ERH: variants seen among roughly 807,000 people sequenced by gnomAD.
The protein encoded by ERH is enhancer of rudimentary homolog.
A neutral mutation model predicts 16.8 loss-of-function variants in ERH; 1 was observed. The ratio of observed to expected loss-of-function variants is 0.06; its 90% confidence interval spans 0.02 to 0.28. The LOEUF is 0.28. Ranked by LOEUF, ERH falls within the 10% of genes least tolerant of loss-of-function variation. The pLI is 1.00. For missense variants in ERH, 42 were observed against 127.5 expected, an observed-to-expected ratio of 0.33 and a Z score of 3.23; for synonymous variants, 43 against 43.6, an observed-to-expected ratio of 0.99 and a Z score of 0.05.
intron 2 of ERH, among the ~76,000 whole-genome samples, chr14:69,387,742 T>C (rs1309242412): frequency 6.8e-6 from 1 of 147,830 alleles, no homozygotes; most frequent in African/African-American, 2.5e-5. Context: ...TATCCTAATG[T>C]ATATTTAAGA....
chr14:69,392,109 CT>C (rs1882226528), intron 2 of ERH, among the ~76,000 whole-genome samples: 1 of 151,066 alleles, frequency 6.6e-6, no homozygotes, highest in Non-Finnish European at 1.5e-5. Flanking sequence ...AAGCCTAAAA[CT>C]GCTCTAAAAA....
In ERH at chr14:69,380,397, C is replaced by G; in HGVS notation, c.*141G>C. 2.1e-6 allele frequency: 1 copy of G among 475,262 alleles called. No individual in the cohort carries two copies. 29.4% of individuals were successfully genotyped at this position (475,262 alleles called of 1,614,324 possible). A position where few individuals can be genotyped will look rare whatever the true frequency, so the allele number is the denominator to read the frequency against. On this transcript the variant is annotated 3_prime_UTR_variant, in exon 4 of 4. Transcript: ENST00000557016. ...GGTTTCCGATTGAACAAGATCCTCA[C>G]ATTTCATCTAATACAGTCAATCTTG... is the stretch of plus-strand genomic sequence containing the variant.
At chr14:69,397,556 C>T (rs772417570) in intron 1 of ERH, among the ~76,000 whole-genome samples, 1 of 150,370 alleles carries the variant, frequency 6.7e-6, no homozygotes, top group Non-Finnish European at 1.5e-5. Context: ...CTGGATCTGT[C>T]AGCTTCGAGA....
At chr14:69,397,919 C>CA (rs1156868342) in intron 1 of ERH, 2 of 541,340 alleles carry the variant, frequency 3.7e-6, no homozygotes, top group Non-Finnish European at 6.6e-6. Flanking sequence ...CTCTCTATCT[C>CA]AAAAAACAAA....
At position 69,380,234 on chromosome 14, in the gene ERH, A is replaced by C. The variant is rs1334957826; in HGVS notation, c.*304T>G. 8.6e-6 allele frequency: 2 copies of C among 231,330 alleles called. No individual in the cohort carries two copies. The highest frequency in any genetic ancestry group is 1.7e-5 in the Non-Finnish European group (2 of 120,288). The allele number at this position is 231,330 out of a possible 1,614,324, so 14.3% of individuals were successfully genotyped here. On this transcript the variant is annotated 3_prime_UTR_variant, in exon 4 of 4. Transcript: ENST00000557016. ...ATCTTGAAGAAGGGTTAGTATGTGA[A>C]TGTTATAAAGTAGATATGAACAGTT...
chr14:69,391,699 A>G (rs944729653), intron 2 of ERH, among the ~76,000 whole-genome samples: 3 of 150,702 alleles, frequency 2.0e-5, no homozygotes, highest in Non-Finnish European at 4.4e-5. Context: ...GCTAGGTTAA[A>G]GCAGCCAGTC....
chr14:69,390,908 G>C (rs114053152), intron 2 of ERH, among the ~76,000 whole-genome samples: 1 of 152,220 alleles, frequency 6.6e-6, no homozygotes, highest in African/African-American at 2.4e-5. Context: ...AGATGACATT[G>C]TATGTCATTA....
At chr14:69,381,167 C>T (rs994724156) in intron 3 of ERH, among the ~76,000 whole-genome samples, 1 of 152,094 alleles carries the variant, frequency 6.6e-6, no homozygotes, top group Non-Finnish European at 1.5e-5. Context: ...TGTAGTCCTG[C>T]CTACTCAGGA....
Position 69,391,020 on chromosome 14 carries a change from C to T in ERH, c.91+3805G>A, listed in dbSNP as rs79631561. Among the ~76,000 whole-genome samples the T allele has an allele frequency of 3.1e-3, 478 of 152,314 alleles. 4 individuals are homozygous for T. Among genetic ancestry groups the T allele is most frequent in the African/African-American group, 0.011 (464 of 41,562 alleles). Reference sequence around the variant, plus strand: ...AGGATGTGGAACAGAAACTCATTCACGCTGGTGGGAATGCAAAATGGTCCT... The same window carrying T: ...AGGATGTGGAACAGAAACTCATTCATGCTGGTGGGAATGCAAAATGGTCCT... On this transcript the variant is annotated intron_variant, in intron 2 of 3. Coordinates refer to ENST00000557016, the MANE Select transcript of ERH (RefSeq NM_004450.3).
chr14:69,387,695 C>CAAAAAAAAAAAAAAAA (rs57516317), intron 2 of ERH, among the ~76,000 whole-genome samples: 15 of 113,282 alleles, frequency 1.3e-4, no homozygotes, highest in African/African-American at 1.8e-4. Flanking sequence ...AGCCACAGAG[C>CAAAAAAAAAAAAAAAA]AAAAAAAAAA....
Position 69,382,574 on chromosome 14 carries a change from C to T in ERH, c.213-1934G>A, listed in dbSNP as rs752717020. Reference sequence around the variant, plus strand: ...TAGGCCAGGTGCCAGTGGCTCATGCCTGTAATCCCAGCACTTTGGGAGGCT... The same window carrying T: ...TAGGCCAGGTGCCAGTGGCTCATGCTTGTAATCCCAGCACTTTGGGAGGCT... On this transcript the variant is annotated intron_variant, in intron 3 of 3. Coordinates refer to ENST00000557016, the MANE Select transcript of ERH (RefSeq NM_004450.3). 5.9e-5 allele frequency among the ~76,000 whole-genome samples: 9 copies of T among 152,090 alleles called. No homozygotes were observed. The South Asian group carries it at 1.9e-3, about 32-fold the overall frequency.
chr14:69,398,038 G>C, intron 1 of ERH, 193 bp downstream of exon 1: 1 of 711,032 alleles, frequency 1.4e-6, no homozygotes, highest in Non-Finnish European at 2.3e-6. Flanking sequence ...ACCGCAGGGC[G>C]GACCGGGGCT....
chr14:69,391,654 C>CAA (rs58399149), intron 2 of ERH, among the ~76,000 whole-genome samples: 2,301 of 21,970 alleles, frequency 0.1, 546 homozygotes, highest in Middle Eastern at 0.15. Context: ...TCTCGCACGC[C>CAA]AAAAAAAAAA....
In ERH at chr14:69,383,594, G is replaced by A. The variant is rs557698385; in HGVS notation, c.213-2954C>T. Among the ~76,000 whole-genome samples the A allele has an allele frequency of 8.5e-5, 13 of 152,234 alleles. No homozygotes were observed. In the East Asian group the frequency reaches 2.3e-3, roughly 27 times the overall value. ...AATTTGATTCTGAAAGTTTTTCAGA[G>A]GCCAAAAAATTTTCAACATTAGAAA... On this transcript the variant is annotated intron_variant, in intron 3 of 3. Transcript: ENST00000557016.
Position 69,387,155 on chromosome 14 carries a change from G to A in ERH, c.92-72C>T, listed in dbSNP as rs530478669. Reference sequence around the variant, plus strand: ...TTCTAGATATGAGCAGTGCTTATGAGCTGTGCTATATGTTGATATCATATT... The same window carrying A: ...TTCTAGATATGAGCAGTGCTTATGAACTGTGCTATATGTTGATATCATATT... On this transcript the variant is annotated intron_variant, in intron 2 of 3. Coordinates refer to ENST00000557016, the MANE Select transcript of ERH (RefSeq NM_004450.3). 1.4e-4 allele frequency: 184 copies of A among 1,299,972 alleles called. 3 individuals are homozygous for A. The South Asian group carries it at 1.9e-3, about 14-fold the overall frequency. The allele number at this position is 1,299,972 out of a possible 1,614,324, so 80.5% of individuals were successfully genotyped here. A position where few individuals can be genotyped will look rare whatever the true frequency, so the allele number is the denominator to read the frequency against.
Position 69,380,507 on chromosome 14 carries a change from CACCCCAA to C in ERH, c.*24_*30del. On this transcript the variant is annotated 3_prime_UTR_variant, in exon 4 of 4. Coordinates refer to ENST00000557016, the MANE Select transcript of ERH (RefSeq NM_004450.3). ...GCTGTACACACCTGTGTTCCAAGCC[CACCCCAA>C]CCCCCCCAGTGCTTCCAACACAATT... 3 of 1,117,936 alleles carry C rather than the reference CACCCCAA, an allele frequency of 2.7e-6. No homozygotes were observed. The highest frequency in any genetic ancestry group is 4.1e-6 in the Non-Finnish European group (3 of 728,592). 69.3% of individuals were successfully genotyped at this position (1,117,936 alleles called of 1,614,324 possible).
At chr14:69,381,094 CAACA>C (rs1566898645) in intron 3 of ERH, among the ~76,000 whole-genome samples, 1 of 152,094 alleles carries the variant, frequency 6.6e-6, no homozygotes, top group African/African-American at 2.4e-5. Context: ...CTAGCCTGGC[CAACA>C]TGGTGAAACC....
chr14:69,388,802 T>A (rs1298256796), intron 2 of ERH, among the ~76,000 whole-genome samples: 1 of 152,192 alleles, frequency 6.6e-6, no homozygotes, highest in Non-Finnish European at 1.5e-5. Flanking sequence ...TCCTATACTG[T>A]ATACATAAGC....
rs116603652 is a variant in ERH, at chr14:69,386,658, A to G, written c.212+305T>C. On this transcript the variant is annotated intron_variant, in intron 3 of 3. Coordinates refer to ENST00000557016, the MANE Select transcript of ERH (RefSeq NM_004450.3). ...TTTTAATCCAAAACCAATGGCTTTA[A>G]GACAAAGACTGTAAAGGAAAAAAAA... is the stretch of plus-strand genomic sequence containing the variant. The G allele has an allele frequency of 2.3e-3, 505 of 215,172 alleles. 4 individuals are homozygous for G. Among genetic ancestry groups the G allele is most frequent in the African/African-American group, 0.011 (489 of 43,872 alleles). 13.3% of individuals were successfully genotyped at this position (215,172 alleles called of 1,614,324 possible).
Sources: gnomAD v4.1 joint callset for allele counts (sites outside exome capture counted in the v4.1 genomes callset) on GRCh38, gnomAD v4.1.1 for gene constraint, MANE v1.5 for transcripts, NCBI Gene and HGNC (gene_info 2026-07-23, HGNC 2026-07-21) for gene names.